The following GRID2 variants were observed in gnomAD, a reference collection of about 807,000 sequenced individuals.
GRID2 encodes glutamate receptor ionotropic, delta-2.
In GRID2, 33 loss-of-function variants were observed where a neutral mutation model predicts 114.8. That is an observed-to-expected ratio of 0.29 (90% CI 0.22 to 0.38). The LOEUF (loss-of-function observed/expected upper bound fraction) is 0.38, where lower values mean the gene tolerates loss of function less well. GRID2 is among the 10% of genes least tolerant of loss of function. The pLI, the probability that GRID2 is intolerant of heterozygous loss-of-function variation, is 1.00. For synonymous variants in GRID2, 505 were observed against 449.9 expected, an observed-to-expected ratio of 1.12 and a Z score of -1.55; for missense variants, 1,184 against 1,257.7, an observed-to-expected ratio of 0.94 and a Z score of 0.89.
intron 3 of GRID2, among the ~76,000 whole-genome samples, chr4:93,086,129 G>A (rs949620989): frequency 6.6e-6 from 1 of 152,050 alleles, no homozygotes; most frequent in Non-Finnish European, 1.5e-5. Context: ...AACAGATCTT[G>A]ATAAAGAATG....
At chr4:93,302,529 A>G (rs1754984308) in intron 8 of GRID2, 1 of 453,618 alleles carries the variant, frequency 2.2e-6, no homozygotes, top group South Asian at 1.6e-5. Flanking sequence ...ATAATGTTTA[A>G]TTTGTGTAAT....
intron 4 of GRID2, among the ~76,000 whole-genome samples, chr4:93,191,553 A>C (rs1008282609): frequency 2.6e-5 from 4 of 152,134 alleles, no homozygotes; most frequent in African/African-American, 9.6e-5. Context: ...ACAAATTATA[A>C]ATTGTGCACA....
intron 2 of GRID2, among the ~76,000 whole-genome samples, chr4:93,028,397 C>T (rs372102318): frequency 5.3e-5 from 8 of 152,020 alleles, no homozygotes; most frequent in East Asian, 3.9e-4. Context: ...GCAAAACCAA[C>T]GCTGCTTGGG....
intron 1 of GRID2, among the ~76,000 whole-genome samples, chr4:92,345,900 T>G (rs1278883018): frequency 6.6e-6 from 1 of 152,214 alleles, no homozygotes; most frequent in Non-Finnish European, 1.5e-5. Flanking sequence ...ATCATCAATC[T>G]TTTTAGTATA....
chr4:93,704,092 A>G (rs1186462754), intron 14 of GRID2, among the ~76,000 whole-genome samples: 4 of 152,180 alleles, frequency 2.6e-5, no homozygotes, highest in Non-Finnish European at 1.5e-5. Flanking sequence ...CAATGGTTGA[A>G]CTAGTTGGCA....
chr4:92,746,358 A>T (rs1354594608), intron 2 of GRID2, among the ~76,000 whole-genome samples: 1 of 152,102 alleles, frequency 6.6e-6, no homozygotes, highest in Non-Finnish European at 1.5e-5. Flanking sequence ...AAATGCAAAG[A>T]TTTAGAAAGA....
chr4:92,697,589 C>T (rs1734478933), intron 2 of GRID2, among the ~76,000 whole-genome samples: 1 of 152,014 alleles, frequency 6.6e-6, no homozygotes, highest in Admixed American at 6.6e-5. Context: ...TAATATCAGC[C>T]TATGTTGTGG....
intron 14 of GRID2, among the ~76,000 whole-genome samples, chr4:93,735,076 C>T (rs923729614): frequency 2.0e-5 from 3 of 151,976 alleles, no homozygotes; most frequent in Non-Finnish European, 4.4e-5. Context: ...GACCAAGATG[C>T]ATCGTCAAAT....
At chr4:93,508,768 A>G (rs1368122983) in intron 12 of GRID2, among the ~76,000 whole-genome samples, 1 of 152,184 alleles carries the variant, frequency 6.6e-6, no homozygotes, top group Non-Finnish European at 1.5e-5. Flanking sequence ...TATTCTAGTG[A>G]GGTAAATAAA....
At chr4:92,784,961 G>A (rs1739248615) in intron 2 of GRID2, among the ~76,000 whole-genome samples, 1 of 151,600 alleles carries the variant, frequency 6.6e-6, no homozygotes, top group African/African-American at 2.4e-5. Context: ...TACTGCAGTA[G>A]CACTATTAAA....
At chr4:93,364,323 T>A (rs1216325210) in intron 8 of GRID2, among the ~76,000 whole-genome samples, 2 of 152,106 alleles carry the variant, frequency 1.3e-5, no homozygotes, top group East Asian at 1.9e-4. Context: ...TAGGCTTTTT[T>A]AAAAAAATCA....
At chr4:93,139,626 C>A (rs933592391) in intron 4 of GRID2, among the ~76,000 whole-genome samples, 1 of 152,108 alleles carries the variant, frequency 6.6e-6, no homozygotes, top group African/African-American at 2.4e-5. Context: ...GAGCACACCA[C>A]GTCCTAAGGC....
At chr4:92,535,375 T>C (rs1725566104) in intron 1 of GRID2, among the ~76,000 whole-genome samples, 1 of 152,196 alleles carries the variant, frequency 6.6e-6, no homozygotes. Flanking sequence ...CCAAGTGCTA[T>C]GATTAATGCA....
Position 92,903,832 on chromosome 4 carries a change from G to A in GRID2, c.245-181163G>A, listed in dbSNP as rs191591374. On this transcript the variant is annotated intron_variant, in intron 2 of 15. Coordinates refer to ENST00000282020, the MANE Select transcript of GRID2 (RefSeq NM_001510.4). Reference sequence around the variant, plus strand: ...AGAGATAAAATCTGATTTACATACCGCACTTCTCTCTCCTCAATGTGCTCA... The same window carrying A: ...AGAGATAAAATCTGATTTACATACCACACTTCTCTCTCCTCAATGTGCTCA... Among the ~76,000 whole-genome samples, 227 of 151,974 alleles carry A rather than the reference G, an allele frequency of 1.5e-3. 1 individual carries two copies. Among genetic ancestry groups the A allele is most frequent in the Admixed American group, 1.6e-3 (25 of 15,248 alleles).
chr4:92,797,534 G>T (rs1739945875), intron 2 of GRID2, among the ~76,000 whole-genome samples: 1 of 151,742 alleles, frequency 6.6e-6, no homozygotes, highest in Admixed American at 6.6e-5. Flanking sequence ...ATATTTTTAA[G>T]TTAACGTAAA....
intron 3 of GRID2, among the ~76,000 whole-genome samples, chr4:93,096,547 G>C (rs958421112): frequency 6.6e-6 from 1 of 151,970 alleles, no homozygotes. Flanking sequence ...ATGGGTGAAA[G>C]CCTTGTCCAG....
chr4:92,439,551 C>A (rs1423014049), intron 1 of GRID2, among the ~76,000 whole-genome samples: 1 of 151,112 alleles, frequency 6.6e-6, no homozygotes, highest in East Asian at 1.9e-4. Context: ...GGCGTGGGAA[C>A]CTAGAGTGGG....
chr4:92,972,853 C>A (rs1753615569), intron 2 of GRID2, among the ~76,000 whole-genome samples: 1 of 151,950 alleles, frequency 6.6e-6, no homozygotes, highest in South Asian at 2.1e-4. Context: ...TGATAACATG[C>A]AATATTTGGT....
At chr4:92,816,110 G>A (rs779921644) in intron 2 of GRID2, among the ~76,000 whole-genome samples, 17 of 151,330 alleles carry the variant, frequency 1.1e-4, no homozygotes, top group Non-Finnish European at 2.4e-4. Flanking sequence ...GAGGTCCGGA[G>A]TTCGAGATCA....
Sources: allele counts gnomAD v4.1 joint callset (sites outside exome capture counted in the v4.1 genomes callset), GRCh38; gene constraint gnomAD v4.1.1; transcripts MANE v1.5; gene names NCBI Gene and HGNC (gene_info 2026-07-23, HGNC 2026-07-21).